Variants in PACRG observed in about 807,000 individuals in gnomAD.
PACRG encodes parkin coregulated, also known as parkin coregulated gene protein.
Under a neutral mutation model 29.7 loss-of-function variants are expected in PACRG, and 29 were observed. That is an observed-to-expected ratio of 0.98 (90% CI 0.73 to 1.33). The LOEUF (loss-of-function observed/expected upper bound fraction) is 1.33. Ranked by LOEUF, PACRG falls within the 40% of genes most tolerant of loss-of-function variation. PACRG has a pLI of 0.00. For synonymous variants in PACRG, 116 were observed against 118.7 expected (o/e 0.98, Z 0.15); for missense variants, 279 against 316.2 (o/e 0.88, Z 0.89).
chr6:162,954,595 A>G (rs894592755), intron 2 of PACRG, among the ~76,000 whole-genome samples: 2 of 152,132 alleles, frequency 1.3e-5, no homozygotes, highest in African/African-American at 4.8e-5. Flanking sequence ...ACTTCCCACT[A>G]ATTAATTTGG....
At chr6:162,763,676 C>T (rs1782556409) in intron 1 of PACRG, among the ~76,000 whole-genome samples, 1 of 152,144 alleles carries the variant, frequency 6.6e-6, no homozygotes, top group Admixed American at 6.5e-5. Flanking sequence ...TAGATGGTGG[C>T]ATCAGTATTT....
intron 2 of PACRG, among the ~76,000 whole-genome samples, chr6:163,037,059 T>C (rs189606417): frequency 2.8e-4 from 43 of 152,332 alleles, no homozygotes; most frequent in Non-Finnish European, 4.9e-4. Flanking sequence ...TGTGCCTATA[T>C]GTGGTGTTGG....
chr6:163,004,187 G>A (rs1804827334), intron 2 of PACRG, among the ~76,000 whole-genome samples: 1 of 150,350 alleles, frequency 6.7e-6, no homozygotes, highest in Non-Finnish European at 1.5e-5. Flanking sequence ...TCTAATATTT[G>A]AACATATATA....
At chr6:163,155,970 A>C (rs1585274621) in intron 4 of PACRG, among the ~76,000 whole-genome samples, 1 of 152,120 alleles carries the variant, frequency 6.6e-6, no homozygotes, top group African/African-American at 2.4e-5. Flanking sequence ...ATCCTTCAGG[A>C]TTCAAGCTAA....
Position 163,285,580 on chromosome 6 carries a change from G to A in PACRG, c.614-29247G>A, listed in dbSNP as rs1025631801. ...ATGGCGGGAGAAGCCAAAGGGCCCCGGAGATATTTGCCAGAGAAGCAATTA... is the reference window on the plus strand; with the variant it reads ...ATGGCGGGAGAAGCCAAAGGGCCCCAGAGATATTTGCCAGAGAAGCAATTA... On this transcript the variant is annotated intron_variant, in intron 4 of 4. Transcript: ENST00000366888. 9.9e-5 allele frequency among the ~76,000 whole-genome samples: 15 copies of A among 152,272 alleles called. No individual in the cohort carries two copies. The South Asian group carries it at 1.0e-3, about 11-fold the overall frequency.
At chr6:162,883,721 T>C (rs1794096930) in intron 2 of PACRG, among the ~76,000 whole-genome samples, 1 of 151,930 alleles carries the variant, frequency 6.6e-6, no homozygotes, top group Admixed American at 6.6e-5. Flanking sequence ...TGTGTATGTA[T>C]GTATATATCT....
chr6:163,261,062 A>G (rs530340690), intron 4 of PACRG, among the ~76,000 whole-genome samples: 2 of 152,164 alleles, frequency 1.3e-5, no homozygotes, highest in African/African-American at 4.8e-5. Context: ...AAAAACAGCC[A>G]CGACATCAAT....
At chr6:162,901,326 T>A (rs1795545484) in intron 2 of PACRG, among the ~76,000 whole-genome samples, 1 of 152,194 alleles carries the variant, frequency 6.6e-6, no homozygotes, top group Non-Finnish European at 1.5e-5. Context: ...TACTACAGTT[T>A]TTCCCAAATA....
At chr6:162,945,526 A>G (rs1463968539) in intron 2 of PACRG, among the ~76,000 whole-genome samples, 1 of 152,092 alleles carries the variant, frequency 6.6e-6, no homozygotes, top group East Asian at 1.9e-4. Context: ...TTAAAGGGAG[A>G]GTTAGAGTCC....
At chr6:162,764,826 C>G (rs1161962651) in intron 1 of PACRG, among the ~76,000 whole-genome samples, 1 of 151,928 alleles carries the variant, frequency 6.6e-6, no homozygotes, top group East Asian at 1.9e-4. Context: ...TCAGTGCAAC[C>G]TCTGCTTCCT....
At chr6:163,005,791 A>G (rs28827813) in intron 2 of PACRG, among the ~76,000 whole-genome samples, 1 of 149,012 alleles carries the variant, frequency 6.7e-6, no homozygotes, top group Admixed American at 6.7e-5. Flanking sequence ...GTAGTTATAC[A>G]TGTTATATAT....
chr6:163,097,202 A>G (rs947740987), intron 4 of PACRG, among the ~76,000 whole-genome samples: 1 of 152,174 alleles, frequency 6.6e-6, no homozygotes, highest in Admixed American at 6.5e-5. Flanking sequence ...GTTTCTCTGT[A>G]TAAATCTTTC....
At chr6:163,000,278 G>A (rs1804462106) in intron 2 of PACRG, among the ~76,000 whole-genome samples, 2 of 152,160 alleles carry the variant, frequency 1.3e-5, no homozygotes, top group South Asian at 4.2e-4. Context: ...CGCAGGTTGT[G>A]GTGCAGGGTA....
chr6:162,727,552 C>A, upstream of PACRG: 1 of 1,219,850 alleles, frequency 8.2e-7, no homozygotes, highest in Non-Finnish European at 1.2e-6. Context: ...CACTTTGGCC[C>A]CGTCATTGAC....
chr6:162,861,361 A>G (rs1791846091), intron 2 of PACRG, among the ~76,000 whole-genome samples: 1 of 152,202 alleles, frequency 6.6e-6, no homozygotes, highest in Non-Finnish European at 1.5e-5. Flanking sequence ...AAGATTGCCA[A>G]TTTTCTAAGA....
At chr6:163,291,552 C>G (rs1191404417) in intron 4 of PACRG, among the ~76,000 whole-genome samples, 1 of 152,264 alleles carries the variant, frequency 6.6e-6, no homozygotes, top group African/African-American at 2.4e-5. Context: ...CTAGATTTCT[C>G]TTCATATTCC....
intron 4 of PACRG, among the ~76,000 whole-genome samples, chr6:163,198,953 C>T (rs1780585668): frequency 6.6e-6 from 1 of 152,156 alleles, no homozygotes; most frequent in Non-Finnish European, 1.5e-5. Context: ...CAGGGAGGGG[C>T]TTCCAGGCCA....
Position 162,728,096 on chromosome 6 carries a change from C to A in PACRG, c.-140C>A. The A allele has an allele frequency of 9.6e-7, 1 of 1,036,632 alleles. No homozygotes were observed. Among genetic ancestry groups the A allele is most frequent in the Non-Finnish European group, 1.4e-6 (1 of 708,570 alleles). The allele number at this position is 1,036,632 out of a possible 1,614,324, so 64.2% of individuals were successfully genotyped here. ...CCTAGGAGCTGCCAAACATCTGGAT[C>A]AACCTGGGCACTACGAGGGGTTGAA... On this transcript the variant is annotated 5_prime_UTR_variant, in exon 1 of 5. Coordinates refer to ENST00000366888, the MANE Select transcript of PACRG (RefSeq NM_001080379.2).
intron 4 of PACRG, among the ~76,000 whole-genome samples, chr6:163,092,189 G>C (rs770748686): frequency 1.2e-4 from 19 of 152,198 alleles, no homozygotes; most frequent in African/African-American, 1.9e-4. Flanking sequence ...GCAAACATTA[G>C]ATTAGTTCTA....
Sources: gnomAD v4.1 joint callset for allele counts (sites outside exome capture counted in the v4.1 genomes callset) on GRCh38, gnomAD v4.1.1 for gene constraint, MANE v1.5 for transcripts, NCBI Gene and HGNC (gene_info 2026-07-23, HGNC 2026-07-21) for gene names.